Variants in MBTPS2 observed in about 807,000 individuals in gnomAD.
The protein encoded by MBTPS2 is membrane-bound transcription factor site-2 protease.
In MBTPS2, 2 loss-of-function variants were observed where a neutral mutation model predicts 35.4. The observed-to-expected ratio is 0.06, with a 90% CI of 0.02 to 0.18. The LOEUF (loss-of-function observed/expected upper bound fraction) is 0.18. Ranked by LOEUF, MBTPS2 falls within the 10% of genes least tolerant of loss-of-function variation. The pLI, the probability that MBTPS2 is intolerant of heterozygous loss-of-function variation, is 1.00. For missense variants in MBTPS2, 244 were observed against 386.5 expected (o/e 0.63, Z 3.09); for synonymous variants, 125 against 140.4 (o/e 0.89, Z 0.77).
At chrX:21,878,859 G>A (rs923455845) in intron 9 of MBTPS2, among the ~76,000 whole-genome samples, 167 bp downstream of exon 9, 6 of 111,689 alleles carry the variant, frequency 5.4e-5, no homozygotes, top group Admixed American at 1.9e-4. Flanking sequence ...TATGCAGTAG[G>A]AAAATAATCT....
At chrX:21,844,250 T>C (rs1289753401) in intron 2 of MBTPS2, among the ~76,000 whole-genome samples, 2 of 111,040 alleles carry the variant, frequency 1.8e-5, no homozygotes, top group Admixed American at 9.5e-5. Context: ...CAGTGGCCCA[T>C]GCCTGTAATC....
At chrX:21,847,430 T>C (rs914408483) in intron 3 of MBTPS2, among the ~76,000 whole-genome samples, 1 of 112,153 alleles carries the variant, frequency 8.9e-6, no homozygotes, top group Non-Finnish European at 1.9e-5. Flanking sequence ...GACAGCCTTG[T>C]TCAGTATTAA....
intron 4 of MBTPS2, among the ~76,000 whole-genome samples, chrX:21,852,665 T>C (rs2092916090): frequency 9.0e-6 from 1 of 111,239 alleles, no homozygotes; most frequent in African/African-American, 3.3e-5. Flanking sequence ...AAATGAACTG[T>C]ACGGTTGTCT....
chrX:21,861,032 G>A (rs1199141882), intron 5 of MBTPS2, among the ~76,000 whole-genome samples: 1 of 111,357 alleles, frequency 9.0e-6, no homozygotes, highest in Admixed American at 9.6e-5. Flanking sequence ...CTGTTACAAA[G>A]GACCAAATTC....
chrX:21,840,266 T>C (rs754912683), intron 1 of MBTPS2, among the ~76,000 whole-genome samples: 46 of 112,835 alleles, frequency 4.1e-4, no homozygotes, highest in African/African-American at 1.5e-3. Context: ...TAAATGCATA[T>C]GATCATCTGG....
In MBTPS2 at chrX:21,854,601, A is replaced by G. The variant is rs192913271; in HGVS notation, c.670+1098A>G. Among the ~76,000 whole-genome samples the G allele has an allele frequency of 4.4e-5, 5 of 112,462 alleles. No individual in the cohort carries two copies. The East Asian group carries it at 8.3e-4, about 19-fold the overall frequency. ...ACAATAATAAGGAATATAAGCCACA[A>G]TGAAAATATAACAGTTGTGAATCTT... is the stretch of plus-strand genomic sequence containing the variant. On this transcript the variant is annotated intron_variant, in intron 5 of 10. Coordinates refer to ENST00000379484, the MANE Select transcript of MBTPS2 (RefSeq NM_015884.4).
At chrX:21,859,733 T>A (rs2092928855) in intron 5 of MBTPS2, among the ~76,000 whole-genome samples, 1 of 110,786 alleles carries the variant, frequency 9.0e-6, no homozygotes, top group South Asian at 3.8e-4. Context: ...TGGAGGGAGA[T>A]CAGAAATGCC....
intron 8 of MBTPS2, 121 bp from the exon 9 acceptor site, chrX:21,878,376 G>A (rs2092955364): frequency 8.8e-6 from 5 of 566,406 alleles, no homozygotes; most frequent in South Asian, 5.4e-5. Context: ...CACATAAATG[G>A]CATTTCTTTT....
intron 9 of MBTPS2, among the ~76,000 whole-genome samples, chrX:21,880,561 A>G (rs1234546373): frequency 9.0e-6 from 1 of 111,265 alleles, no homozygotes; most frequent in East Asian, 2.8e-4. Context: ...AAAAAAAAAG[A>G]CCTGAAAGAG....
chrX:21,872,950 A>G (rs1199787376), intron 7 of MBTPS2: 1 of 110,963 alleles, frequency 9.0e-6, no homozygotes, highest in African/African-American at 3.3e-5. Context: ...AGTGAAAGAT[A>G]TGGTCAGATA....
At chrX:21,846,962 G>A (rs1406414752) in intron 3 of MBTPS2, among the ~76,000 whole-genome samples, 2 of 111,582 alleles carry the variant, frequency 1.8e-5, no homozygotes, top group Non-Finnish European at 3.8e-5. Context: ...TAAAATTAGT[G>A]GCAAGGAGAA....
In MBTPS2 at chrX:21,869,523, G is replaced by A; in HGVS notation, c.815G>A (p.Gly272Asp). The A allele has an allele frequency of 8.3e-7, 1 of 1,210,704 alleles. No homozygotes were observed. The highest frequency in any genetic ancestry group is 1.1e-6 in the Non-Finnish European group (1 of 894,617). ...GACTCTCCTGCCATTGGACCCAGAG[G>A]CCTTTTTGTGGGAGACCTTGTCACC... is the stretch of plus-strand genomic sequence containing the variant. ...AEDSPAIGPRGLFVGDLVTHL... is the reference protein window; with the variant it reads ...AEDSPAIGPRDLFVGDLVTHL... The change falls in exon 7 of 11, where the codon GGC becomes GAC. Residue 272 changes from glycine to aspartate, a missense_variant. Physicochemically the swap from Gly to Asp is moderately conservative, Grantham distance 94. Coordinates refer to ENST00000379484, the MANE Select transcript of MBTPS2 (RefSeq NM_015884.4).
At chrX:21,840,216 C>T (rs1433893493) in intron 1 of MBTPS2, among the ~76,000 whole-genome samples, 1 of 112,677 alleles carries the variant, frequency 8.9e-6, no homozygotes, top group Non-Finnish European at 1.9e-5. Context: ...TGGAATGAAT[C>T]TAAATCAAGT....
intron 5 of MBTPS2, among the ~76,000 whole-genome samples, chrX:21,865,753 T>C (rs1170164020): frequency 2.7e-5 from 3 of 112,522 alleles, no homozygotes; most frequent in Non-Finnish European, 5.6e-5. Flanking sequence ...TGGTGACCTG[T>C]AAATCATTTC....
intron 2 of MBTPS2, among the ~76,000 whole-genome samples, chrX:21,843,980 T>G (rs1407494564): frequency 9.3e-6 from 1 of 107,698 alleles, no homozygotes; most frequent in Non-Finnish European, 1.9e-5. Context: ...CCGGGCATGG[T>G]GGCGCACGTG....
At chrX:21,846,146 C>G (rs921211201) in intron 3 of MBTPS2, among the ~76,000 whole-genome samples, 1 of 110,992 alleles carries the variant, frequency 9.0e-6, no homozygotes, top group Non-Finnish European at 1.9e-5. Context: ...GAACAATAAT[C>G]TCTCCTATGG....
chrX:21,862,857 CAT>C (rs1485489531), intron 5 of MBTPS2, among the ~76,000 whole-genome samples: 4 of 87,935 alleles, frequency 4.5e-5, no homozygotes, highest in Non-Finnish European at 6.7e-5. Flanking sequence ...TATATATACA[CAT>C]ATATATAAAC....
At chrX:21,869,332 G>C (rs1470834945) in intron 6 of MBTPS2, among the ~76,000 whole-genome samples, 166 bp from the exon 7 acceptor site, 1 of 112,034 alleles carries the variant, frequency 8.9e-6, no homozygotes, top group African/African-American at 3.2e-5. Context: ...AACTATAATT[G>C]TTGGGTTTTA....
intron 6 of MBTPS2, 94 bp from the exon 7 acceptor site, chrX:21,869,403 AT>A: frequency 1.5e-6 from 1 of 645,896 alleles, no homozygotes; most frequent in East Asian, 3.2e-5. Context: ...CATTCAAACT[AT>A]TCACTTAATT....
Sources: allele counts gnomAD v4.1 joint callset (sites outside exome capture counted in the v4.1 genomes callset), GRCh38; gene constraint gnomAD v4.1.1; transcripts MANE v1.5; gene names NCBI Gene and HGNC (gene_info 2026-07-23, HGNC 2026-07-21).